LPP: variants seen among roughly 807,000 people sequenced by gnomAD.
LPP encodes the protein lipoma-preferred partner.
LPP carries 38 observed loss-of-function variants against 60.4 expected under a neutral mutation model. The ratio of observed to expected loss-of-function variants is 0.63; its 90% CI spans 0.49 to 0.83. LPP has a LOEUF of 0.83. LPP is among the 40% of genes least tolerant of loss of function. The probability of loss-of-function intolerance (pLI) is 0.00; values close to 1 mark genes in which losing one functional copy is unlikely to be tolerated. For missense variants in LPP, 902 were observed against 783.6 expected, an observed-to-expected ratio of 1.15 and a Z score of -1.80; for synonymous variants, 328 against 290.8, an observed-to-expected ratio of 1.13 and a Z score of -1.30.
chr3:188,581,333 C>T (rs1459402934), intron 6 of LPP, among the ~76,000 whole-genome samples: 4 of 152,132 alleles, frequency 2.6e-5, no homozygotes, highest in African/African-American at 9.7e-5. Context: ...CTCGGGCACA[C>T]TTGGACCTGG....
intron 6 of LPP, among the ~76,000 whole-genome samples, chr3:188,545,822 A>C (rs1018835067): frequency 6.6e-6 from 1 of 151,980 alleles, no homozygotes; most frequent in East Asian, 1.9e-4. Flanking sequence ...TCTACTATAC[A>C]CTGTTGATTG....
intron 5 of LPP, among the ~76,000 whole-genome samples, chr3:188,515,215 C>T (rs1232653542): frequency 1.3e-5 from 2 of 152,048 alleles, no homozygotes; most frequent in African/African-American, 2.4e-5. Context: ...AGTGCCATCC[C>T]CTTGGTAATG....
At chr3:188,229,643 C>T (rs1247243876) in intron 2 of LPP, among the ~76,000 whole-genome samples, 4 of 152,176 alleles carry the variant, frequency 2.6e-5, no homozygotes, top group African/African-American at 7.2e-5. Flanking sequence ...TATGGTTCTT[C>T]GTGTAACCCA....
At position 188,883,924 on chromosome 3, in the gene LPP, C is replaced by T. The variant is rs763666672; in HGVS notation, c.*9445C>T. 1 of 214,792 alleles carries T rather than the reference C, an allele frequency of 4.7e-6. No homozygotes were observed. Among genetic ancestry groups the T allele is most frequent in the Non-Finnish European group, 9.4e-6 (1 of 106,512 alleles). 13.3% of individuals were successfully genotyped at this position (214,792 alleles called of 1,614,324 possible). A position where few individuals can be genotyped will look rare whatever the true frequency, so the allele number is the denominator to read the frequency against. On this transcript the variant is annotated 3_prime_UTR_variant, in exon 12 of 12. Transcript: ENST00000617246. ...TGCTATAGTTTTCTATGGAAATGTA[C>T]AAATGCTTTCCTCATTGCTCTGGAT...
At chr3:188,154,556 G>A (rs1353611078) in intron 1 of LPP, among the ~76,000 whole-genome samples, 1 of 152,210 alleles carries the variant, frequency 6.6e-6, no homozygotes. Flanking sequence ...CATCCGCTTA[G>A]AGCTTTCGCG....
intron 2 of LPP, among the ~76,000 whole-genome samples, chr3:188,318,226 A>G (rs1755683425): frequency 6.6e-6 from 1 of 152,144 alleles, no homozygotes; most frequent in Admixed American, 6.5e-5. Flanking sequence ...TTTTAATTTT[A>G]GGCCCAAATA....
intron 2 of LPP, among the ~76,000 whole-genome samples, chr3:188,253,073 C>T (rs897196144): frequency 4.2e-4 from 58 of 136,562 alleles, no homozygotes; most frequent in Non-Finnish European, 8.1e-4. Context: ...GTGCTCAGTC[C>T]TTTTTTTTTT....
intron 5 of LPP, among the ~76,000 whole-genome samples, chr3:188,523,716 T>C (rs768698536): frequency 6.6e-5 from 10 of 152,232 alleles, no homozygotes; most frequent in Non-Finnish European, 1.2e-4. Context: ...GTAGAATTGA[T>C]TAGATTATTG....
intron 9 of LPP, among the ~76,000 whole-genome samples, chr3:188,793,267 T>C (rs140147112): frequency 1.3e-5 from 2 of 151,766 alleles, no homozygotes; most frequent in East Asian, 3.9e-4. Context: ...CCGCAACCTA[T>C]GCCTCCTGAG....
At chr3:188,532,374 G>A (rs1438115965) in intron 6 of LPP, among the ~76,000 whole-genome samples, 3 of 152,144 alleles carry the variant, frequency 2.0e-5, no homozygotes, top group Admixed American at 6.5e-5. Context: ...GCAGTGAGCC[G>A]AGATTGTGCC....
intron 6 of LPP, among the ~76,000 whole-genome samples, chr3:188,528,659 G>A (rs754933867): frequency 1.6e-4 from 24 of 152,110 alleles, no homozygotes; most frequent in Non-Finnish European, 3.1e-4. Flanking sequence ...TGAGATGTGC[G>A]TGATGTGCTC....
intron 2 of LPP, among the ~76,000 whole-genome samples, chr3:188,311,690 G>T (rs545167264): frequency 1.3e-5 from 2 of 151,612 alleles, no homozygotes; most frequent in African/African-American, 4.8e-5. Context: ...CCAGGCTTGA[G>T]TGCAGTGGCC....
At chr3:188,770,170 T>A (rs941621726) in intron 9 of LPP, among the ~76,000 whole-genome samples, 2,609 of 59,104 alleles carry the variant, frequency 0.044, 49 homozygotes, top group South Asian at 0.071. Flanking sequence ...TTATAATTCT[T>A]TTTTTTTTTT....
chr3:188,423,373 C>T (rs897159043), intron 4 of LPP, among the ~76,000 whole-genome samples: 12 of 152,324 alleles, frequency 7.9e-5, no homozygotes, highest in African/African-American at 2.9e-4. Flanking sequence ...GGTTCCAAAT[C>T]TTTGCTATTG....
chr3:188,322,906 G>T (rs1265141541), intron 2 of LPP, among the ~76,000 whole-genome samples: 1 of 152,188 alleles, frequency 6.6e-6, no homozygotes, highest in African/African-American at 2.4e-5. Flanking sequence ...AAATGAATTG[G>T]TTTTCTCATG....
At chr3:188,364,515 C>A (rs1770539600) in intron 3 of LPP, among the ~76,000 whole-genome samples, 1 of 152,086 alleles carries the variant, frequency 6.6e-6, no homozygotes, top group Admixed American at 6.6e-5. Flanking sequence ...GATAGACATG[C>A]AAAAACACTC....
intron 9 of LPP, among the ~76,000 whole-genome samples, chr3:188,850,219 T>G (rs1229613711): frequency 6.6e-6 from 1 of 152,132 alleles, no homozygotes; most frequent in Non-Finnish European, 1.5e-5. Flanking sequence ...AGGCAGGTAT[T>G]GTGATTATCT....
intron 4 of LPP, among the ~76,000 whole-genome samples, chr3:188,448,239 G>A (rs1404618984): frequency 2.6e-5 from 4 of 152,114 alleles, no homozygotes; most frequent in African/African-American, 9.7e-5. Context: ...GGAGGTTTGG[G>A]AACGTGGACA....
chr3:188,760,330 T>C (rs777420400), intron 9 of LPP, 48 bp downstream of exon 9: 18 of 1,595,246 alleles, frequency 1.1e-5, no homozygotes, highest in Non-Finnish European at 1.5e-5. Context: ...ATGTCTTCTG[T>C]GGCTGAATGC....
Sources: gnomAD v4.1 joint callset for allele counts (sites outside exome capture counted in the v4.1 genomes callset) on GRCh38, gnomAD v4.1.1 for gene constraint, MANE v1.5 for transcripts, NCBI Gene and HGNC (gene_info 2026-07-23, HGNC 2026-07-21) for gene names.